The following PRKCB variants were observed in gnomAD, a reference collection of about 807,000 sequenced individuals.
PRKCB encodes the protein protein kinase C beta type.
A neutral mutation model predicts 81.5 loss-of-function variants in PRKCB; 13 were observed. The ratio of observed to expected loss-of-function variants is 0.16; its 90% CI spans 0.10 to 0.25. The LOEUF is 0.25. PRKCB is among the 10% of genes least tolerant of loss of function. The pLI is 1.00. For missense variants in PRKCB, 509 were observed against 875.7 expected (o/e 0.58, Z 5.29); for synonymous variants, 335 against 321.4 (o/e 1.04, Z -0.45).
intron 2 of PRKCB, among the ~76,000 whole-genome samples, chr16:23,900,318 G>C (rs1963450184): frequency 6.6e-6 from 1 of 152,198 alleles, no homozygotes; most frequent in South Asian, 2.1e-4. Flanking sequence ...TTGTGTGTTT[G>C]TACATGTGTG....
At position 24,217,305 on chromosome 16, in the gene PRKCB, G is replaced by A. The variant is rs1036749759; in HGVS notation, c.*2489G>A. On this transcript the variant is annotated 3_prime_UTR_variant, in exon 17 of 17. Coordinates refer to ENST00000643927, the MANE Select transcript of PRKCB (RefSeq NM_002738.7). ...GTCTGTTTTAGAGAAACTTTCCATG[G>A]AAAGTCAGAATTTCTACCACTTCCT... 1 of 985,264 alleles carries A rather than the reference G, an allele frequency of 1.0e-6. No individual in the cohort carries two copies. Among genetic ancestry groups the A allele is most frequent in the African/African-American group, 1.7e-5 (1 of 57,216 alleles). The allele number at this position is 985,264 out of a possible 1,614,324, so 61.0% of individuals were successfully genotyped here.
At chr16:24,010,898 T>G (rs981513978) in intron 3 of PRKCB, among the ~76,000 whole-genome samples, 12 of 152,180 alleles carry the variant, frequency 7.9e-5, no homozygotes, top group African/African-American at 2.9e-4. Context: ...ATACAAGGTC[T>G]CACTGTGTTG....
intron 3 of PRKCB, among the ~76,000 whole-genome samples, chr16:24,030,323 G>A (rs1394387265): frequency 6.6e-6 from 1 of 152,202 alleles, no homozygotes; most frequent in Non-Finnish European, 1.5e-5. Flanking sequence ...CAAAGGGCAT[G>A]GTCTGTTTGG....
intron 2 of PRKCB, among the ~76,000 whole-genome samples, chr16:23,903,515 T>C (rs1278988515): frequency 6.6e-6 from 1 of 152,130 alleles, no homozygotes; most frequent in Non-Finnish European, 1.5e-5. Context: ...AGCAAGCACA[T>C]GCCTTGGGAA....
rs375171383 is a variant in PRKCB, at chr16:23,857,717, A to AGTGT, written c.205+20325_205+20328dup. On this transcript the variant is annotated intron_variant, in intron 2 of 16. Transcript: ENST00000643927. ...TTGAGGATGTGAGAGAGAGAGAGAG[A>AGTGT]GTGTGTGTGTGTGTGTGGGTGTGTG... Among the ~76,000 whole-genome samples, 1,478 of 149,456 alleles carry AGTGT rather than the reference A, an allele frequency of 9.9e-3. 18 individuals carry two copies. Among genetic ancestry groups the AGTGT allele is most frequent in the African/African-American group, 0.034 (1,382 of 40,792 alleles).
intron 10 of PRKCB, among the ~76,000 whole-genome samples, chr16:24,168,716 A>T (rs28475212): frequency 0.27 from 19,676 of 73,476 alleles, 1,805 homozygotes; most frequent in South Asian, 0.36. Context: ...ATGCCTGGCT[A>T]TTTTTTTTTT....
chr16:24,189,171 C>G (rs1030417282), intron 15 of PRKCB, among the ~76,000 whole-genome samples: 1 of 152,184 alleles, frequency 6.6e-6, no homozygotes, highest in Non-Finnish European at 1.5e-5. Flanking sequence ...AGTTTTAGAG[C>G]TAGGCAGAGG....
chr16:23,860,361 A>G (rs1962645676), intron 2 of PRKCB, among the ~76,000 whole-genome samples: 1 of 152,126 alleles, frequency 6.6e-6, no homozygotes, highest in Admixed American at 6.6e-5. Flanking sequence ...GGGGGAGAAG[A>G]TAGAGAATTA....
intron 2 of PRKCB, among the ~76,000 whole-genome samples, chr16:23,933,768 C>CTCCA (rs377110328): frequency 0.47 from 59,170 of 125,334 alleles, 14,144 homozygotes; most frequent in Admixed American, 0.53. Flanking sequence ...CATCTATCCA[C>CTCCA]TCCATCCATC....
At chr16:23,967,715 C>T (rs532923295) in intron 2 of PRKCB, among the ~76,000 whole-genome samples, 80 of 152,124 alleles carry the variant, frequency 5.3e-4, no homozygotes, top group Non-Finnish European at 9.6e-4. Flanking sequence ...TGCAATGGCA[C>T]AACCCCGGCC....
At chr16:24,015,320 G>A (rs1965262563) in intron 3 of PRKCB, among the ~76,000 whole-genome samples, 1 of 152,212 alleles carries the variant, frequency 6.6e-6, no homozygotes, top group African/African-American at 2.4e-5. Flanking sequence ...GCTTGCTCGA[G>A]GCTGCACGAC....
intron 5 of PRKCB, among the ~76,000 whole-genome samples, chr16:24,038,034 T>C (rs1965645519): frequency 6.6e-6 from 1 of 151,846 alleles, no homozygotes; most frequent in African/African-American, 2.4e-5. Context: ...TACAAAAAAT[T>C]AGCCAAGTGT....
intron 16 of PRKCB, among the ~76,000 whole-genome samples, chr16:24,199,282 T>C (rs1596595453): frequency 1.3e-5 from 2 of 152,210 alleles, no homozygotes; most frequent in South Asian, 4.1e-4. Context: ...CTGAAAACAT[T>C]GTTTATGTAG....
chr16:24,167,769 T>C (rs920755686), intron 10 of PRKCB, among the ~76,000 whole-genome samples: 2 of 152,002 alleles, frequency 1.3e-5, no homozygotes, highest in African/African-American at 4.8e-5. Flanking sequence ...TCATGAGGGG[T>C]TGAGAGTGTA....
chr16:23,969,075 C>T (rs1964524434), intron 2 of PRKCB, among the ~76,000 whole-genome samples: 1 of 152,096 alleles, frequency 6.6e-6, no homozygotes, highest in Non-Finnish European at 1.5e-5. Context: ...GAGGCTGAGG[C>T]AAGTGAATTG....
chr16:24,217,543 C>T lies in PRKCB; in HGVS notation c.*2727C>T, dbSNP rs1219858124. ...AACAGAGAAGCTTATTCTCTCCCAA[C>T]TTCTACGGTAAAATCCAGGAGTATT... On this transcript the variant is annotated 3_prime_UTR_variant, in exon 17 of 17. Coordinates refer to ENST00000643927, the MANE Select transcript of PRKCB (RefSeq NM_002738.7). 3 of 985,350 alleles carry T rather than the reference C, an allele frequency of 3.0e-6. No homozygotes were observed. In the African/African-American group the frequency reaches 5.2e-5, roughly 17 times the overall value. 61.0% of individuals were successfully genotyped at this position (985,350 alleles called of 1,614,324 possible).
chr16:23,938,455 A>G (rs1381600014), intron 2 of PRKCB, among the ~76,000 whole-genome samples: 1 of 152,252 alleles, frequency 6.6e-6, no homozygotes, highest in East Asian at 1.9e-4. Context: ...ACTTCCAGTA[A>G]TTAAACATAA....
chr16:23,982,780 A>G (rs974813634), intron 2 of PRKCB, among the ~76,000 whole-genome samples: 1 of 152,172 alleles, frequency 6.6e-6, no homozygotes, highest in Non-Finnish European at 1.5e-5. Flanking sequence ...GGAGGTGGAT[A>G]GAGCCGGAGA....
At chr16:23,955,200 C>T (rs558816341) in intron 2 of PRKCB, among the ~76,000 whole-genome samples, 39 of 138,100 alleles carry the variant, frequency 2.8e-4, no homozygotes, top group Non-Finnish European at 4.6e-4. Flanking sequence ...CCAGCCTGGG[C>T]GAGCGAGACT....
Sources: gnomAD v4.1 joint callset for allele counts (sites outside exome capture counted in the v4.1 genomes callset) on GRCh38, gnomAD v4.1.1 for gene constraint, MANE v1.5 for transcripts, NCBI Gene and HGNC (gene_info 2026-07-23, HGNC 2026-07-21) for gene names.